The following SNAP91 variants were observed in gnomAD, a reference collection of about 807,000 sequenced individuals.
SNAP91 encodes the protein clathrin coat assembly protein AP180.
In SNAP91, 27 loss-of-function variants were observed where a neutral mutation model predicts 100.3. The observed-to-expected ratio is 0.27, with a 90% CI of 0.20 to 0.37. The LOEUF is 0.37. SNAP91 is among the 10% of genes least tolerant of loss of function. The pLI, the probability that SNAP91 is intolerant of heterozygous loss-of-function variation, is 1.00. For missense variants in SNAP91, 986 were observed against 1,123.7 expected (o/e 0.88, Z 1.75); for synonymous variants, 404 against 398.6 (o/e 1.01, Z -0.16).
chr6:83,602,535 T>C (rs1405523567), intron 14 of SNAP91, among the ~76,000 whole-genome samples: 3 of 152,180 alleles, frequency 2.0e-5, no homozygotes, highest in Non-Finnish European at 4.4e-5. Flanking sequence ...ACAATTTTAT[T>C]TTTTTGCTTA....
rs1773432749 is a variant in SNAP91 at position 83,553,075 on chromosome 6, A to T, written c.*1221T>A. On this transcript the variant is annotated 3_prime_UTR_variant, in exon 30 of 30. Transcript: ENST00000369694. ...AATGGTACCATACATCTATTAAATA[A>T]TTTGAAAAATAGGCAAACACCTTTC... is the stretch of plus-strand genomic sequence containing the variant. The T allele has an allele frequency of 6.6e-6, 1 of 152,588 alleles. No homozygotes were observed. The highest frequency in any genetic ancestry group is 6.5e-5 in the Admixed American group (1 of 15,268). The allele number at this position is 152,588 out of a possible 1,614,324, so 9.5% of individuals were successfully genotyped here.
At chr6:83,607,666 A>C in intron 13 of SNAP91, 33 bp downstream of exon 13, 1 of 1,310,796 alleles carries the variant, frequency 7.6e-7, no homozygotes, top group Non-Finnish European at 1.1e-6. Flanking sequence ...ATAAAATATT[A>C]ATAAACAGTT....
intron 6 of SNAP91, 151 bp downstream of exon 6, chr6:83,658,848 C>G (rs1283920879): frequency 6.4e-6 from 4 of 628,198 alleles, no homozygotes; most frequent in Non-Finnish European, 1.1e-5. Flanking sequence ...CCTAAATAAT[C>G]TTTACCGAGC....
In SNAP91 at chr6:83,553,265, T is replaced by C. The variant is rs147750682; in HGVS notation, c.*1031A>G. The C allele has an allele frequency of 6.5e-6, 1 of 152,694 alleles. No homozygotes were observed. Among genetic ancestry groups the C allele is most frequent in the Non-Finnish European group, 1.5e-5 (1 of 68,036 alleles). The allele number at this position is 152,694 out of a possible 1,614,324, so 9.5% of individuals were successfully genotyped here. On this transcript the variant is annotated 3_prime_UTR_variant, in exon 30 of 30. Transcript: ENST00000369694. ...ATGTACAGTAAAAGATACAATTCTCTGAATTAGTTTAAATCCTAATCACAA... is the reference window on the plus strand; with the variant it reads ...ATGTACAGTAAAAGATACAATTCTCCGAATTAGTTTAAATCCTAATCACAA...
intron 8 of SNAP91, among the ~76,000 whole-genome samples, chr6:83,629,052 G>A (rs217341): frequency 0.77 from 117,064 of 152,100 alleles, 45,521 homozygotes; most frequent in African/African-American, 0.88. Flanking sequence ...AAGGTGAGAG[G>A]TGAGGATCCA....
intron 24 of SNAP91, among the ~76,000 whole-genome samples, chr6:83,578,380 T>G (rs1024358845): frequency 6.6e-6 from 1 of 152,196 alleles, no homozygotes; most frequent in Admixed American, 6.5e-5. Context: ...CAATACTGGT[T>G]ATATGTCTTT....
At chr6:83,572,864 G>A (rs1194337002) in intron 26 of SNAP91, among the ~76,000 whole-genome samples, 1 of 152,164 alleles carries the variant, frequency 6.6e-6, no homozygotes, top group East Asian at 1.9e-4. Context: ...AGTATTAACA[G>A]ACTCACCAAA....
At chr6:83,673,190 G>A (rs1586821247) in intron 2 of SNAP91, among the ~76,000 whole-genome samples, 1 of 151,786 alleles carries the variant, frequency 6.6e-6, no homozygotes, top group African/African-American at 2.4e-5. Flanking sequence ...TTCTGTTATG[G>A]ACTGAATATT....
Position 83,580,497 on chromosome 6 carries a change from T to G in SNAP91, c.2252A>C (p.Lys751Thr). 1.9e-6 allele frequency: 3 copies of G among 1,613,682 alleles called. No individual in the cohort carries two copies. Among genetic ancestry groups the G allele is most frequent in the Non-Finnish European group, 2.5e-6 (3 of 1,179,826 alleles). Residue 751 changes from lysine (K) to threonine (T), a missense_variant, in exon 24 of 30, where the codon AAA becomes ACA. This residue lies in a region of SNAP91 where 575 missense variants were observed against 579.9 expected (regional missense o/e 0.99). Coordinates refer to ENST00000369694, the MANE Select transcript of SNAP91 (RefSeq NM_001242792.2). ...TGAATCAAGATCACTTCCAAGGGCTTTGCTGGCTGCCATTGCAGGACTGGG... is the reference window on the plus strand; with the variant it reads ...TGAATCAAGATCACTTCCAAGGGCTGTGCTGGCTGCCATTGCAGGACTGGG... Reference protein sequence around the residue: ...VPPSPAMAASKALGSDLDSSL... With the variant: ...VPPSPAMAASTALGSDLDSSL...
intron 26 of SNAP91, 99 bp from the exon 27 acceptor site, chr6:83,561,046 T>G: frequency 3.7e-6 from 3 of 812,882 alleles, no homozygotes; most frequent in Non-Finnish European, 5.6e-6. Flanking sequence ...ATTTGGTATT[T>G]ATTTATTTAT....
chr6:83,567,005 C>T (rs1024614201), intron 26 of SNAP91, among the ~76,000 whole-genome samples: 4 of 152,154 alleles, frequency 2.6e-5, no homozygotes, highest in African/African-American at 9.7e-5. Context: ...CTTGCATAAT[C>T]ATAGCTCACC....
At chr6:83,698,354 C>T (rs1245732325) in intron 2 of SNAP91, among the ~76,000 whole-genome samples, 1 of 148,604 alleles carries the variant, frequency 6.7e-6, no homozygotes, top group Non-Finnish European at 1.5e-5. Flanking sequence ...AAAGAAATTG[C>T]AGAAAACCAC....
chr6:83,623,363 A>C, intron 8 of SNAP91, 21 bp from the exon 9 acceptor site: 2 of 1,564,750 alleles, frequency 1.3e-6, no homozygotes, highest in Non-Finnish European at 1.7e-6. Context: ...AAAAAATTAG[A>C]AATTAGTAGA....
intron 2 of SNAP91, among the ~76,000 whole-genome samples, chr6:83,666,564 T>C (rs2098690310): frequency 6.6e-6 from 1 of 152,104 alleles, no homozygotes; most frequent in African/African-American, 2.4e-5. Flanking sequence ...AAATCCACAC[T>C]CAGTAATCAT....
chr6:83,569,553 A>C (rs1584424638), intron 26 of SNAP91, among the ~76,000 whole-genome samples: 1 of 152,162 alleles, frequency 6.6e-6, no homozygotes, highest in Non-Finnish European at 1.5e-5. Context: ...ATTACTTTTA[A>C]AGTGCTTTTC....
chr6:83,685,915 CT>C (rs547640150), intron 2 of SNAP91, among the ~76,000 whole-genome samples: 27 of 151,220 alleles, frequency 1.8e-4, no homozygotes, highest in African/African-American at 3.2e-4. Context: ...AAAAATAGGT[CT>C]TTTTTTTTCA....
chr6:83,624,625 G>C (rs1327254794), intron 8 of SNAP91, among the ~76,000 whole-genome samples: 1 of 151,952 alleles, frequency 6.6e-6, no homozygotes, highest in Non-Finnish European at 1.5e-5. Flanking sequence ...ATTCTTGTTG[G>C]GGGGTGTCTT....
intron 24 of SNAP91, among the ~76,000 whole-genome samples, chr6:83,579,392 T>G (rs1407162080): frequency 6.6e-6 from 1 of 152,134 alleles, no homozygotes; most frequent in African/African-American, 2.4e-5. Flanking sequence ...GGAGGAAATA[T>G]TCAAATAACC....
intron 8 of SNAP91, among the ~76,000 whole-genome samples, chr6:83,627,718 A>G (rs2097003414): frequency 6.6e-6 from 1 of 151,686 alleles, no homozygotes; most frequent in Non-Finnish European, 1.5e-5. Flanking sequence ...GTCTGATTGT[A>G]TTTATTTGGA....
Sources: gnomAD v4.1 joint callset for allele counts (sites outside exome capture counted in the v4.1 genomes callset) on GRCh38, gnomAD v4.1.1 for gene constraint, gnomAD v4.1.1 regional missense constraint, MANE v1.5 for transcripts, NCBI Gene and HGNC (gene_info 2026-07-23, HGNC 2026-07-21) for gene names.